SPRED1: variants seen among roughly 807,000 people sequenced by gnomAD.
SPRED1 encodes the protein sprouty related EVH1 domain containing 1.
Under a neutral mutation model 52.3 loss-of-function variants are expected in SPRED1, and 18 were observed. The ratio of observed to expected loss-of-function variants is 0.34; its 90% confidence interval spans 0.24 to 0.51. The LOEUF is 0.51. Among genes scored for constraint, SPRED1 ranks in the 20% least tolerant of loss-of-function variants. The probability of loss-of-function intolerance (pLI) is 0.97; values close to 1 mark genes in which losing one functional copy is unlikely to be tolerated. For synonymous variants in SPRED1, 155 were observed against 179.7 expected (o/e 0.86, Z 1.10); for missense variants, 485 against 551.0 (o/e 0.88, Z 1.20).
intron 2 of SPRED1, among the ~76,000 whole-genome samples, chr15:38,321,524 G>C (rs1895601356): frequency 1.3e-5 from 2 of 152,114 alleles, no homozygotes. Flanking sequence ...TTGTTTTACT[G>C]CTGTGACCAT....
chr15:38,319,481 G>A (rs917866028), intron 2 of SPRED1, among the ~76,000 whole-genome samples: 3 of 152,182 alleles, frequency 2.0e-5, no homozygotes, highest in Non-Finnish European at 4.4e-5. Context: ...CCAGGTTGAA[G>A]TGATTCTCCT....
intron 1 of SPRED1, among the ~76,000 whole-genome samples, chr15:38,286,907 C>T (rs1894823467): frequency 6.6e-6 from 1 of 152,218 alleles, no homozygotes; most frequent in South Asian, 2.1e-4. Context: ...TTTTGCTCCT[C>T]TTTTCTCTTT....
intron 5 of SPRED1, among the ~76,000 whole-genome samples, chr15:38,342,548 T>C (rs893570338): frequency 2.0e-5 from 3 of 152,108 alleles, no homozygotes; most frequent in African/African-American, 4.8e-5. Flanking sequence ...TGGTGCTTGC[T>C]GAACCTCAGT....
At chr15:38,288,319 C>G (rs905062457) in intron 1 of SPRED1, among the ~76,000 whole-genome samples, 2 of 152,094 alleles carry the variant, frequency 1.3e-5, no homozygotes, top group Non-Finnish European at 2.9e-5. Flanking sequence ...ATGAATATGA[C>G]ATGTTAATAA....
intron 4 of SPRED1, among the ~76,000 whole-genome samples, chr15:38,336,696 A>C (rs1228090351): frequency 2.0e-5 from 3 of 151,956 alleles, no homozygotes; most frequent in Non-Finnish European, 2.9e-5. Flanking sequence ...ACCAAACATC[A>C]TAGGTTCTCA....
chr15:38,285,125 A>G (rs1475727901), intron 1 of SPRED1, among the ~76,000 whole-genome samples: 1 of 151,984 alleles, frequency 6.6e-6, no homozygotes, highest in African/African-American at 2.4e-5. Flanking sequence ...CCCTCCATTC[A>G]AGTAATGTAT....
intron 1 of SPRED1, among the ~76,000 whole-genome samples, chr15:38,289,229 G>GGA (rs1555389026): frequency 4.0e-5 from 6 of 149,514 alleles, no homozygotes; most frequent in South Asian, 2.1e-4. Flanking sequence ...CTTTGAAATG[G>GGA]AAAAAAAAAA....
chr15:38,343,531 G>T (rs2177247), intron 5 of SPRED1, among the ~76,000 whole-genome samples: 12 of 151,504 alleles, frequency 7.9e-5, no homozygotes, highest in African/African-American at 9.7e-5. Context: ...TAACGAAATT[G>T]AAACTTGATT....
At chr15:38,255,741 A>G (rs1441748586) in intron 1 of SPRED1, among the ~76,000 whole-genome samples, 1 of 152,220 alleles carries the variant, frequency 6.6e-6, no homozygotes, top group Non-Finnish European at 1.5e-5. Context: ...GCCTTAGCAC[A>G]GTTTAAAACT....
At chr15:38,313,723 T>G (rs543406700) in intron 2 of SPRED1, among the ~76,000 whole-genome samples, 104 of 151,856 alleles carry the variant, frequency 6.8e-4, no homozygotes, top group African/African-American at 2.4e-3. Context: ...TATTTTTAAA[T>G]GAATTCATAC....
rs951415197 is a variant in SPRED1, at chr15:38,353,586, C to A, written c.*1922C>A. ...CTGTTTATATATTTGAATGCTGCTA[C>A]AACAGATGATCTTCATCCCTGAAGT... On this transcript the variant is annotated 3_prime_UTR_variant, in exon 7 of 7. Transcript: ENST00000299084. The A allele has an allele frequency of 6.6e-6, 1 of 152,534 alleles. No individual in the cohort carries two copies. Among genetic ancestry groups the A allele is most frequent in the African/African-American group, 2.4e-5 (1 of 41,460 alleles). 9.4% of individuals were successfully genotyped at this position (152,534 alleles called of 1,614,324 possible).
intron 1 of SPRED1, among the ~76,000 whole-genome samples, chr15:38,277,587 G>A (rs570799307): frequency 6.6e-6 from 1 of 152,292 alleles, no homozygotes; most frequent in East Asian, 1.9e-4. Flanking sequence ...ACATACATGT[G>A]CATGTGTCTT....
intron 5 of SPRED1, among the ~76,000 whole-genome samples, chr15:38,349,135 A>G (rs1312307219): frequency 6.6e-6 from 1 of 152,072 alleles, no homozygotes; most frequent in African/African-American, 2.4e-5. Context: ...ATTCCACTCT[A>G]TGGATTTACT....
chr15:38,278,688 A>G (rs1367542819), intron 1 of SPRED1, among the ~76,000 whole-genome samples: 4 of 152,116 alleles, frequency 2.6e-5, no homozygotes, highest in Non-Finnish European at 2.9e-5. Flanking sequence ...ACTTTAAATC[A>G]TCTCTGGGTT....
chr15:38,347,613 T>A (rs1053917976), intron 5 of SPRED1, among the ~76,000 whole-genome samples: 2 of 152,012 alleles, frequency 1.3e-5, no homozygotes, highest in Non-Finnish European at 2.9e-5. Context: ...TTTATCATCT[T>A]ATTCGTGAAT....
rs1894012442 is a variant in SPRED1 at position 38,253,048 on chromosome 15, C to G, written c.-138C>G. 1 of 742,426 alleles carries G rather than the reference C, an allele frequency of 1.3e-6. No homozygotes were observed. The allele number at this position is 742,426 out of a possible 1,614,324, so 46.0% of individuals were successfully genotyped here. On this transcript the variant is annotated 5_prime_UTR_variant, in exon 1 of 7. Transcript: ENST00000299084. The stretch of plus-strand genomic sequence containing the variant: ...TGGGGGGGTACCGTTCTGGGTGAGG[C>G]ATCCACCATGGTGAGGCCCCTGTGC...
chr15:38,283,491 T>A, intron 1 of SPRED1: 1 of 984,262 alleles, frequency 1.0e-6, no homozygotes. Flanking sequence ...ATTTGTTTCC[T>A]TGTAGGTGTC....
intron 5 of SPRED1, among the ~76,000 whole-genome samples, chr15:38,342,126 A>G (rs1896044617): frequency 7.5e-6 from 1 of 133,914 alleles, no homozygotes; most frequent in Non-Finnish European, 1.6e-5. Flanking sequence ...CTACCATTTT[A>G]TTCATTTTTT....
rs1888541277 is a variant in SPRED1, at chr15:38,353,491, C to G, written c.*1827C>G. ...AGAAGAGGGTATTTCTAGTTTTGTA[C>G]TAAAAATCAATTGGATGAACTAAAT... is the stretch of plus-strand genomic sequence containing the variant. On this transcript the variant is annotated 3_prime_UTR_variant, in exon 7 of 7. Transcript: ENST00000299084. 6.6e-6 allele frequency: 1 copy of G among 152,362 alleles called. No homozygotes were observed. 9.4% of individuals were successfully genotyped at this position (152,362 alleles called of 1,614,324 possible). A position where few individuals can be genotyped will look rare whatever the true frequency, so the allele number is the denominator to read the frequency against.
Sources: gnomAD v4.1 joint callset for allele counts (sites outside exome capture counted in the v4.1 genomes callset) on GRCh38, gnomAD v4.1.1 for gene constraint, MANE v1.5 for transcripts, NCBI Gene and HGNC (gene_info 2026-07-23, HGNC 2026-07-21) for gene names.